The following ABCB5 variants were observed in gnomAD, a reference collection of about 807,000 sequenced individuals.
ABCB5 encodes ATP-binding cassette sub-family B member 5.
Under a neutral mutation model 144.2 loss-of-function variants are expected in ABCB5, and 155 were observed. The observed-to-expected ratio is 1.08, with a 90% CI of 0.94 to 1.23. The LOEUF is 1.23. ABCB5 is among the 50% of genes most tolerant of loss of function. The pLI is 0.00. For missense variants in ABCB5, 1,830 were observed against 1,520.8 expected (o/e 1.20, Z -3.38); for synonymous variants, 610 against 528.6 (o/e 1.15, Z -2.11).
At chr7:20,739,165 T>C (rs1014161054) in intron 24 of ABCB5, 26 bp downstream of exon 24, 16 of 1,540,316 alleles carry the variant, frequency 1.0e-5, no homozygotes, top group Non-Finnish European at 1.4e-5. Context: ...ATCTTAAATG[T>C]CCAAATAAAG....
Position 20,679,111 on chromosome 7 carries a change from A to G in ABCB5, c.1708-2394A>G, listed in dbSNP as rs113513074. Among the ~76,000 whole-genome samples, 383 of 152,300 alleles carry G rather than the reference A, an allele frequency of 2.5e-3. 3 individuals are homozygous for G. Among genetic ancestry groups the G allele is most frequent in the African/African-American group, 8.8e-3 (364 of 41,544 alleles). On this transcript the variant is annotated intron_variant, in intron 14 of 27. Transcript: ENST00000404938. ...AAAAGCATAAATTGTAAAAGAAAAA[A>G]AATTGATAAATTGGACTTCATTAAA...
At chr7:20,712,977 G>A (rs1025676484) in intron 20 of ABCB5, among the ~76,000 whole-genome samples, 3 of 149,272 alleles carry the variant, frequency 2.0e-5, no homozygotes, top group African/African-American at 5.0e-5. Flanking sequence ...TAGTTACCAC[G>A]ATATACAACA....
chr7:20,716,172 T>A (rs934792842), intron 20 of ABCB5, among the ~76,000 whole-genome samples: 3 of 152,160 alleles, frequency 2.0e-5, no homozygotes, highest in African/African-American at 7.2e-5. Flanking sequence ...ACAATATAGA[T>A]ACTGTGCCAA....
chr7:20,681,718 A>C (rs1389509068), intron 15 of ABCB5, 52 bp downstream of exon 15: 3 of 1,568,496 alleles, frequency 1.9e-6, no homozygotes, highest in South Asian at 1.2e-5. Flanking sequence ...CGTTTCAGAG[A>C]TCATACCACA....
intron 5 of ABCB5, among the ~76,000 whole-genome samples, chr7:20,641,035 C>T (rs1784284688): frequency 6.6e-6 from 1 of 152,164 alleles, no homozygotes; most frequent in African/African-American, 2.4e-5. Context: ...TAAGTTACTG[C>T]TTTCAAATCC....
rs1441647771 is a variant in ABCB5, at chr7:20,666,823, C to T, written c.1707+8147C>T. On this transcript the variant is annotated intron_variant, in intron 14 of 27. Coordinates refer to ENST00000404938, the MANE Select transcript of ABCB5 (RefSeq NM_001163941.2). ...ACTATCTACGTTGAGGTATCTGGAA[C>T]CACAGTGGTATGAATTGCACTATCT... 4 of 1,564,458 alleles carry T rather than the reference C, an allele frequency of 2.6e-6. No individual in the cohort carries two copies. The East Asian group carries it at 9.2e-5, about 36-fold the overall frequency.
intron 20 of ABCB5, among the ~76,000 whole-genome samples, chr7:20,718,050 C>A (rs1156735161): frequency 7.2e-4 from 108 of 150,136 alleles, no homozygotes; most frequent in Non-Finnish European, 1.2e-3. Context: ...TACAGGCGCC[C>A]GCCACCACGC....
intron 14 of ABCB5, among the ~76,000 whole-genome samples, chr7:20,669,108 G>A (rs1427129834): frequency 2.0e-5 from 3 of 151,092 alleles, no homozygotes; most frequent in Non-Finnish European, 2.9e-5. Context: ...TGGTGGGGGG[G>A]GTCAGCCCCC....
chr7:20,742,147 G>T (rs185044409), intron 24 of ABCB5, among the ~76,000 whole-genome samples: 33 of 152,254 alleles, frequency 2.2e-4, no homozygotes, highest in Non-Finnish European at 5.9e-5. Flanking sequence ...GCCAAGGTGG[G>T]CAGATTGCTT....
intron 1 of ABCB5, 92 bp from the exon 2 acceptor site, chr7:20,623,168 TCAAAC>T: frequency 2.6e-6 from 2 of 760,162 alleles, no homozygotes; most frequent in Admixed American, 2.7e-5. Flanking sequence ...GCTTCCTTTT[TCAAAC>T]TGTGAGAGAT....
intron 4 of ABCB5, 71 bp from the exon 5 acceptor site, chr7:20,631,988 G>A (rs1784049980): frequency 1.0e-6 from 1 of 969,834 alleles, no homozygotes; most frequent in Non-Finnish European, 1.5e-6. Context: ...TTGGTTTGGA[G>A]GGCTATCTGT....
In ABCB5 at chr7:20,647,616, G is replaced by C. The variant is rs868637188; in HGVS notation, c.1063G>C (p.Ala355Pro). 1.9e-6 allele frequency: 3 copies of C among 1,580,554 alleles called. No homozygotes were observed. In the Middle Eastern group the frequency reaches 5.0e-4, roughly 263 times the overall value. Residue 355 changes from alanine to proline, a missense_variant, in exon 10 of 28, where the codon GCT (alanine) becomes CCT (proline). By Grantham distance (27) the Ala-to-Pro change is conservative. Transcript: ENST00000404938. ...HFETFAIARGAAFHIFQVIDK... is the reference protein window; with the variant it reads ...HFETFAIARGPAFHIFQVIDK... ...TGAAACCTTCGCAATAGCCCGAGGA[G>C]CTGCCTTTCATATTTTCCAGGTTAT...
At chr7:20,718,774 C>G (rs1430092336) in intron 20 of ABCB5, among the ~76,000 whole-genome samples, 2 of 152,068 alleles carry the variant, frequency 1.3e-5, no homozygotes, top group African/African-American at 4.8e-5. Flanking sequence ...GGTTTATAAC[C>G]TGTTACTATA....
intron 23 of ABCB5, among the ~76,000 whole-genome samples, chr7:20,733,348 C>A (rs955110012): frequency 6.6e-6 from 1 of 152,126 alleles, no homozygotes. Context: ...CTGCTTAGTG[C>A]TATTTTATAG....
chr7:20,744,863 G>A (rs1161031182), intron 25 of ABCB5, among the ~76,000 whole-genome samples: 2 of 152,108 alleles, frequency 1.3e-5, no homozygotes, highest in Non-Finnish European at 1.5e-5. Context: ...TCCCCCTCAC[G>A]TAGTGAGCAT....
At position 20,621,574 on chromosome 7, in the gene ABCB5, C is replaced by G. The variant is rs181833307; in HGVS notation, c.-21-1691C>G. ...ATCTTTTGATTCTACAAACTAGTAG[C>G]TGGCACATCATATAAGCTCAATACT... On this transcript the variant is annotated intron_variant, in intron 1 of 27. Transcript: ENST00000404938. Among the ~76,000 whole-genome samples, 460 of 152,172 alleles carry G rather than the reference C, an allele frequency of 3.0e-3. 11 individuals are homozygous for G. Among genetic ancestry groups the G allele is most frequent in the Admixed American group, 0.028 (423 of 15,286 alleles).
chr7:20,630,444 C>A (rs1239816613), intron 4 of ABCB5, among the ~76,000 whole-genome samples: 1 of 151,836 alleles, frequency 6.6e-6, no homozygotes, highest in Non-Finnish European at 1.5e-5. Flanking sequence ...AAAAGTAAAT[C>A]TTTTACGTGT....
intron 23 of ABCB5, among the ~76,000 whole-genome samples, chr7:20,734,229 C>T (rs2128053106): frequency 6.6e-6 from 1 of 151,932 alleles, no homozygotes; most frequent in East Asian, 1.9e-4. Context: ...CTGTACCTTC[C>T]AGAATCTAGG....
chr7:20,651,040 G>A (rs1346157068), intron 12 of ABCB5, among the ~76,000 whole-genome samples: 1 of 152,166 alleles, frequency 6.6e-6, no homozygotes, highest in Non-Finnish European at 1.5e-5. Context: ...GTGAGATGTT[G>A]AAATAATGGC....
Sources: allele counts gnomAD v4.1 joint callset (sites outside exome capture counted in the v4.1 genomes callset), GRCh38; gene constraint gnomAD v4.1.1; transcripts MANE v1.5; gene names NCBI Gene and HGNC (gene_info 2026-07-23, HGNC 2026-07-21).